The following TTC3 variants were observed in gnomAD, a reference collection of about 807,000 sequenced individuals.
The protein encoded by TTC3 is E3 ubiquitin-protein ligase TTC3.
In TTC3, 180 loss-of-function variants were observed where a neutral mutation model predicts 249.6. The observed-to-expected ratio is 0.72, with a 90% CI of 0.64 to 0.82. The LOEUF (loss-of-function observed/expected upper bound fraction) is 0.82, where lower values mean the gene tolerates loss of function less well. TTC3 is among the 40% of genes least tolerant of loss of function. The probability of loss-of-function intolerance (pLI) is 0.00; values close to 1 mark genes in which losing one functional copy is unlikely to be tolerated. For synonymous variants in TTC3, 717 were observed against 805.0 expected, an observed-to-expected ratio of 0.89 and a Z score of 1.85; for missense variants, 2,061 against 2,398.4, an observed-to-expected ratio of 0.86 and a Z score of 2.94.
At chr21:37,201,400 G>T in intron 45 of TTC3, 40 bp from the exon 46 acceptor site, 1 of 1,612,238 alleles carries the variant, frequency 6.2e-7, no homozygotes, top group Non-Finnish European at 8.5e-7. Context: ...CTTCCTCATG[G>T]TCCTGAAGGC....
intron 21 of TTC3, among the ~76,000 whole-genome samples, chr21:37,146,215 C>A (rs2078970193): frequency 6.6e-6 from 1 of 151,996 alleles, no homozygotes; most frequent in East Asian, 1.9e-4. Flanking sequence ...GCAGCCTGGG[C>A]AACAGAGTGA....
chr21:37,095,229 A>G (rs766388768), intron 8 of TTC3, 121 bp from the exon 9 acceptor site: 9 of 645,698 alleles, frequency 1.4e-5, no homozygotes, highest in African/African-American at 7.4e-5. Flanking sequence ...TTCTACATAA[A>G]TAATCCCCTA....
intron 1 of TTC3, chr21:37,082,479 A>T: frequency 3.0e-6 from 3 of 985,296 alleles, no homozygotes; most frequent in Non-Finnish European, 3.6e-6. Context: ...AAGCATTTCT[A>T]TCAGCTTTGT....
At chr21:37,092,673 C>G (rs1271954477) in intron 7 of TTC3, among the ~76,000 whole-genome samples, 1 of 152,186 alleles carries the variant, frequency 6.6e-6, no homozygotes, top group Non-Finnish European at 1.5e-5. Context: ...TAATCTTACT[C>G]TGTCCCTTAG....
At chr21:37,172,946 A>G (rs531959533) in intron 35 of TTC3, among the ~76,000 whole-genome samples, 3 of 152,294 alleles carry the variant, frequency 2.0e-5, no homozygotes, top group South Asian at 4.1e-4. Flanking sequence ...AAACTGCCTT[A>G]TGAGAAAGGG....
intron 10 of TTC3, chr21:37,107,959 C>A: frequency 1.3e-5 from 2 of 155,866 alleles, no homozygotes; most frequent in Non-Finnish European, 1.4e-5. Context: ...CTGGCATGTG[C>A]CTGTAATCCT....
chr21:37,147,254 GA>G (rs2079058569), intron 21 of TTC3, among the ~76,000 whole-genome samples: 1 of 151,902 alleles, frequency 6.6e-6, no homozygotes, highest in African/African-American at 2.4e-5. Context: ...TCGAAATTCT[GA>G]AAAAAAATTT....
intron 11 of TTC3, among the ~76,000 whole-genome samples, chr21:37,111,546 C>A (rs190515213): frequency 2.6e-5 from 4 of 152,274 alleles, no homozygotes; most frequent in Non-Finnish European, 5.9e-5. Flanking sequence ...CAGATTCATA[C>A]AGCAAGTCCT....
At chr21:37,094,479 T>TA (rs2073696151) in intron 8 of TTC3, among the ~76,000 whole-genome samples, 1 of 152,330 alleles carries the variant, frequency 6.6e-6, no homozygotes, top group African/African-American at 2.4e-5. Flanking sequence ...AGTTTATTTT[T>TA]AAAAAATTGA....
intron 27 of TTC3, among the ~76,000 whole-genome samples, chr21:37,154,818 C>T (rs927735266): frequency 6.6e-6 from 1 of 152,154 alleles, no homozygotes; most frequent in Admixed American, 6.5e-5. Flanking sequence ...GCCTCAGCCT[C>T]CCGAGCAGCT....
intron 6 of TTC3, among the ~76,000 whole-genome samples, chr21:37,090,995 A>G (rs2073190695): frequency 6.6e-6 from 1 of 152,208 alleles, no homozygotes; most frequent in African/African-American, 2.4e-5. Context: ...TACCCCAGGC[A>G]GTCTGGCCAG....
chr21:37,126,199 T>C (rs1168077287), intron 15 of TTC3, 56 bp downstream of exon 15: 1 of 1,547,044 alleles, frequency 6.5e-7, no homozygotes, highest in Non-Finnish European at 8.9e-7. Context: ...CTCCTAAATT[T>C]GGATGCCCTA....
chr21:37,109,590 CA>C (rs2075431791), intron 11 of TTC3, among the ~76,000 whole-genome samples: 2 of 152,246 alleles, frequency 1.3e-5, no homozygotes. Context: ...GAGCCCACCA[CA>C]GCTCAAGGAG....
At chr21:37,187,052 C>A (rs1053187488) in exon 38 of TTC3, 2 of 1,520,974 alleles carry the variant, frequency 1.3e-6, no homozygotes, top group East Asian at 4.9e-5. Flanking sequence ...TTTGTAGCAA[C>A]ACACTTACAA....
chr21:37,179,957 A>T (rs1476392997), intron 35 of TTC3, among the ~76,000 whole-genome samples: 1 of 152,256 alleles, frequency 6.6e-6, no homozygotes, highest in African/African-American at 2.4e-5. Flanking sequence ...ATCAGAGGAC[A>T]TCAGGCTCAC....
chr21:37,166,170 C>T lies in TTC3; in HGVS notation c.3956C>T (p.Thr1319Met), dbSNP rs190784117. 2.4e-5 allele frequency: 38 copies of T among 1,614,156 alleles called. 1 individual carries two copies. The highest frequency in any genetic ancestry group is 2.0e-4 in the East Asian group (9 of 44,888). ...TCCCATTTGGTCACAGGATACTGTA[C>T]GTATCTTCCTTTCCAGAGATTTGAT... Residue 1319 changes from threonine to methionine, a missense_variant, in exon 33 of 46, where the codon ACG (threonine) becomes ATG (methionine). Coordinates refer to ENST00000355666, the Ensembl canonical transcript of TTC3.
chr21:37,115,302 A>T (rs573605500), intron 11 of TTC3, among the ~76,000 whole-genome samples: 67 of 152,166 alleles, frequency 4.4e-4, no homozygotes, highest in African/African-American at 1.5e-3. Flanking sequence ...TCCACACAGA[A>T]CCCACTATGT....
In TTC3 at chr21:37,083,035, T is replaced by C. The variant is rs1425611428; in HGVS notation, c.-11-4212T>C. On this transcript the variant is annotated intron_variant, in intron 1 of 45. Transcript: ENST00000355666. The stretch of plus-strand genomic sequence containing the variant: ...TGGATCCATAGTGACCCTGCAGAGA[T>C]AAACCTGTGATGGTCAAACAATGTG... 3.0e-6 allele frequency: 3 copies of C among 985,294 alleles called. No individual in the cohort carries two copies. The East Asian group carries it at 3.4e-4, about 112-fold the overall frequency. 61.0% of individuals were successfully genotyped at this position (985,294 alleles called of 1,614,324 possible).
chr21:37,085,158 G>T (rs1433665865), intron 1 of TTC3, among the ~76,000 whole-genome samples: 1 of 152,152 alleles, frequency 6.6e-6, no homozygotes, highest in African/African-American at 2.4e-5. Flanking sequence ...TGTAATTGAT[G>T]CCATGATGTG....
Sources: gnomAD v4.1 joint callset for allele counts (sites outside exome capture counted in the v4.1 genomes callset) on GRCh38, gnomAD v4.1.1 for gene constraint, MANE v1.5 for transcripts, NCBI Gene and HGNC (gene_info 2026-07-23, HGNC 2026-07-21) for gene names.